The following RARG variants were observed in gnomAD, a reference collection of about 807,000 sequenced individuals.
RARG encodes the protein retinoic acid receptor gamma.
Under a neutral mutation model 43.7 loss-of-function variants are expected in RARG, and 17 were observed. The ratio of observed to expected loss-of-function variants is 0.39; its 90% CI spans 0.27 to 0.58. RARG has a LOEUF of 0.58. Ranked by LOEUF, RARG falls within the 20% of genes least tolerant of loss-of-function variation. The pLI, the probability that RARG is intolerant of heterozygous loss-of-function variation, is 0.57. For missense variants in RARG, 346 were observed against 598.7 expected, an observed-to-expected ratio of 0.58 and a Z score of 4.40; for synonymous variants, 238 against 236.4, an observed-to-expected ratio of 1.01 and a Z score of -0.06.
intron 3 of RARG, chr12:53,219,814 G>C: frequency 1.3e-6 from 1 of 783,106 alleles, no homozygotes; most frequent in Non-Finnish European, 1.9e-6. Context: ...AGGCCCCCAC[G>C]TTTAAAGGGC....
At position 53,227,429 on chromosome 12, in the gene RARG, G is replaced by A. The variant is rs556025298; in HGVS notation, c.117C>T (p.Phe39=). 7.5e-6 allele frequency: 12 copies of A among 1,609,386 alleles called. No homozygotes were observed. Among genetic ancestry groups the A allele is most frequent in the South Asian group, 3.3e-5 (3 of 90,154 alleles). ...FPGALRGSPP[F]EMLSPSFRGL... ...CCCGGAAGCTAGGGCTCAGCATCTC[G>A]AAAGGCGGAGACCCCCTGAGTGCCC... Residue 39 remains phenylalanine, a synonymous_variant, in exon 3 of 10, where the codon TTC becomes TTT. Coordinates refer to ENST00000425354, the MANE Select transcript of RARG (RefSeq NM_000966.6). The surrounding 1 kb of genome is among the most constrained non-coding windows in gnomAD (Gnocchi z 4.3).
intron 2 of RARG, chr12:53,229,711 G>A (rs1326195715): frequency 6.4e-6 from 1 of 155,734 alleles, no homozygotes; most frequent in African/African-American, 2.4e-5. Flanking sequence ...CATTCCAGGT[G>A]GATTAACCCC....
chr12:53,213,107 G>A lies in RARG; in HGVS notation c.1155C>T (p.Asp385=). 8.1e-6 allele frequency: 13 copies of A among 1,613,996 alleles called. No homozygotes were observed. Among genetic ancestry groups the A allele is most frequent in the Non-Finnish European group, 9.3e-6 (11 of 1,179,930 alleles). Residue 385 remains aspartate, a synonymous_variant, in exon 9 of 10, where the codon GAC becomes GAT. Coordinates refer to ENST00000425354, the MANE Select transcript of RARG (RefSeq NM_000966.6). The surrounding 1 kb of genome is among the most constrained non-coding windows in gnomAD (Gnocchi z 4.7). Reference sequence around the variant, plus strand: ...CACCCTTAGTGCTGATGCCCCGGAGGTCGGTGATTTTCATTAGCATCCTTG... The same window carrying A: ...CACCCTTAGTGCTGATGCCCCGGAGATCGGTGATTTTCATTAGCATCCTTG... ...MFPRMLMKIT[D]LRGISTKGAE... is the part of the protein sequence containing the mutation.
At chr12:53,230,092 A>G in intron 2 of RARG, 1 of 576,990 alleles carries the variant, frequency 1.7e-6, no homozygotes. Context: ...CCAGGGTAGG[A>G]GAATGGACTA....
intron 2 of RARG, among the ~76,000 whole-genome samples, chr12:53,230,593 A>C (rs1276761835): frequency 6.6e-6 from 1 of 151,950 alleles, no homozygotes; most frequent in East Asian, 1.9e-4. Flanking sequence ...CAGACCCTTG[A>C]GTCTCCACCT....
At position 53,211,887 on chromosome 12, in the gene RARG, AGGCTCAG is replaced by A. The variant is rs1565716626; in HGVS notation, c.1178-31_1178-25del. On this transcript the variant is annotated intron_variant, in intron 9 of 9. Transcript: ENST00000425354. This position sits in a 1 kb window ranked among gnomAD's most constrained non-coding sequence, Gnocchi z 4.6. ...TCCTACAATGGAGAGAGAAAGAGAG[AGGCTCAG>A]GAGGACAGAGGCACATGGCCCTTAA... The A allele has an allele frequency of 7.2e-7, 1 of 1,388,870 alleles. No homozygotes were observed. Among genetic ancestry groups the A allele is most frequent in the East Asian group, 2.7e-5 (1 of 36,798 alleles). 86.0% of individuals were successfully genotyped at this position (1,388,870 alleles called of 1,614,324 possible). A position where few individuals can be genotyped will look rare whatever the true frequency, so the allele number is the denominator to read the frequency against.
chr12:53,221,569 C>T (rs1301848862), intron 3 of RARG, among the ~76,000 whole-genome samples: 1 of 152,242 alleles, frequency 6.6e-6, no homozygotes, highest in East Asian at 1.9e-4. Context: ...CAACACTGTT[C>T]CCTGGGTTGC....
Position 53,213,471 on chromosome 12 carries a change from C to T in RARG, c.1018+25G>A. On this transcript the variant is annotated intron_variant, in intron 8 of 9. Coordinates refer to ENST00000425354, the MANE Select transcript of RARG (RefSeq NM_000966.6). This position sits in a 1 kb window ranked among gnomAD's most constrained non-coding sequence, Gnocchi z 4.7. Reference sequence around the variant, plus strand: ...GTGGGAAAGGAGACTGAGCACTGAGCAGACGCCAGGGGGCGCCCCCGCACC... The same window carrying T: ...GTGGGAAAGGAGACTGAGCACTGAGTAGACGCCAGGGGGCGCCCCCGCACC... The T allele has an allele frequency of 6.2e-7, 1 of 1,609,782 alleles. No homozygotes were observed. Among genetic ancestry groups the T allele is most frequent in the Non-Finnish European group, 8.5e-7 (1 of 1,178,204 alleles).
At chr12:53,214,767 T>G (rs919090812) in intron 5 of RARG, 161 bp from the exon 6 acceptor site, 14 of 794,112 alleles carry the variant, frequency 1.8e-5, no homozygotes, top group Admixed American at 3.1e-5. Context: ...ATAGCTCCTA[T>G]TCCCAGGCTG....
At chr12:53,217,676 C>A (rs1262862386) in intron 3 of RARG, among the ~76,000 whole-genome samples, 3 of 152,216 alleles carry the variant, frequency 2.0e-5, no homozygotes, top group Non-Finnish European at 2.9e-5. Context: ...AATCAGATCC[C>A]CTCCCCAGAC....
At chr12:53,212,708 G>T (rs532275538) in intron 9 of RARG, among the ~76,000 whole-genome samples, 26 of 149,934 alleles carry the variant, frequency 1.7e-4, no homozygotes, top group African/African-American at 6.2e-4. Context: ...AAAGCAATTT[G>T]CCCAAGACTT....
intron 3 of RARG, among the ~76,000 whole-genome samples, chr12:53,221,498 C>T (rs1453648393): frequency 6.6e-6 from 1 of 152,178 alleles, no homozygotes; most frequent in Non-Finnish European, 1.5e-5. Context: ...TCTTTAAATA[C>T]CCTCTAGCCT....
chr12:53,213,149 G>A lies in RARG; in HGVS notation c.1113C>T (p.Ser371=). The A allele has an allele frequency of 6.2e-7, 1 of 1,614,152 alleles. No homozygotes were observed. The highest frequency in any genetic ancestry group is 8.5e-7 in the Non-Finnish European group (1 of 1,179,984). ...LRLYARRRRP[S]QPYMFPRMLM... ...GCATCCTTGGGAACATGTAGGGCTGGCTGGGCCGCCGGCGCCGGGCGTACA... is the reference window on the plus strand; with the variant it reads ...GCATCCTTGGGAACATGTAGGGCTGACTGGGCCGCCGGCGCCGGGCGTACA... Residue 371 remains serine, a synonymous_variant, in exon 9 of 10, where the codon AGC becomes AGT. Coordinates refer to ENST00000425354, the MANE Select transcript of RARG (RefSeq NM_000966.6). This position sits in a 1 kb window ranked among gnomAD's most constrained non-coding sequence, Gnocchi z 4.7.
At chr12:53,212,885 T>C (rs578066845) in intron 9 of RARG, among the ~76,000 whole-genome samples, 200 bp downstream of exon 9, 6 of 152,190 alleles carry the variant, frequency 3.9e-5, no homozygotes, top group Non-Finnish European at 8.8e-5. Context: ...ATTCCCATCA[T>C]TGCAGAAAGT....
chr12:53,213,589 C>T lies in RARG; in HGVS notation c.925G>A (p.Asp309Asn). The T allele has an allele frequency of 6.2e-7, 1 of 1,614,150 alleles. No homozygotes were observed. Among genetic ancestry groups the T allele is most frequent in the Non-Finnish European group, 8.5e-7 (1 of 1,180,022 alleles). Residue 309 changes from aspartate to asparagine, a missense_variant, in exon 8 of 10, where the codon GAC (aspartate) becomes AAC (asparagine). By Grantham distance (23) the Asp-to-Asn change is conservative (BLOSUM62 1). This residue lies in a region of RARG where 37 missense variants were observed against 146.3 expected (regional missense o/e 0.25). Transcript: ENST00000425354. This position sits in a 1 kb window ranked among gnomAD's most constrained non-coding sequence, Gnocchi z 4.7. ...MHNAGFGPLT[D>N]LVFAFAGQLL... ...TGCCCAGCAAAGGCAAAGACAAGGTCTGTGAGGGGCCCGAAGCCGGCATTG... is the reference window on the plus strand; with the variant it reads ...TGCCCAGCAAAGGCAAAGACAAGGTTTGTGAGGGGCCCGAAGCCGGCATTG...
intron 3 of RARG, chr12:53,220,371 CT>C: frequency 9.3e-6 from 11 of 1,176,856 alleles, no homozygotes; most frequent in Non-Finnish European, 7.3e-6. Context: ...CTGGGGAGAC[CT>C]TTTTTAAAAG....
intron 3 of RARG, among the ~76,000 whole-genome samples, chr12:53,224,978 T>G (rs1943071805): frequency 6.6e-6 from 1 of 152,112 alleles, no homozygotes; most frequent in Non-Finnish European, 1.5e-5. Flanking sequence ...GCTCTAGCAT[T>G]ATCCCCACTA....
Position 53,213,640 on chromosome 12 carries a change from G to A in RARG, c.874C>T (p.Leu292=). ...EQDTMTFSDG[L]TLNRTQMHNA... Reference sequence around the variant, plus strand: ...TGCATCTGGGTCCGGTTCAGGGTCAGCCCGTCGGAGAAGGTCATGGTGTCC... The same window carrying A: ...TGCATCTGGGTCCGGTTCAGGGTCAACCCGTCGGAGAAGGTCATGGTGTCC... Residue 292 remains leucine (L), a synonymous_variant, in exon 8 of 10, where the codon CTG becomes TTG. Transcript: ENST00000425354. The surrounding 1 kb of genome is among the most constrained non-coding windows in gnomAD (Gnocchi z 4.7). 1 of 1,614,018 alleles carries A rather than the reference G, an allele frequency of 6.2e-7. No individual in the cohort carries two copies. The highest frequency in any genetic ancestry group is 8.5e-7 in the Non-Finnish European group (1 of 1,179,898).
chr12:53,220,401 G>T, intron 3 of RARG: 2 of 152,140 alleles, frequency 1.3e-5, no homozygotes, highest in Non-Finnish European at 2.7e-5. Flanking sequence ...GGAGGGGTGG[G>T]GGGTGGGGCT....
Sources: gnomAD v4.1 joint callset for allele counts (sites outside exome capture counted in the v4.1 genomes callset) on GRCh38, gnomAD v4.1.1 for gene constraint, gnomAD v4.1.1 regional missense constraint, Gnocchi (gnomAD v3.1) non-coding constraint, MANE v1.5 for transcripts, NCBI Gene and HGNC (gene_info 2026-07-23, HGNC 2026-07-21) for gene names.